Variants in TMEM135 observed in about 807,000 individuals in gnomAD.
TMEM135 encodes the protein transmembrane protein 135, also known as peroxisomal membrane protein 52.
In TMEM135, 30 loss-of-function variants were observed where a neutral mutation model predicts 60.3. That is an observed-to-expected ratio of 0.50 (90% CI 0.37 to 0.68). The LOEUF is 0.68. TMEM135 is among the 30% of genes least tolerant of loss of function. The probability of loss-of-function intolerance (pLI) is 0.00; values close to 1 mark genes in which losing one functional copy is unlikely to be tolerated. For missense variants in TMEM135, 468 were observed against 548.8 expected, an observed-to-expected ratio of 0.85 and a Z score of 1.47; for synonymous variants, 190 against 186.7, an observed-to-expected ratio of 1.02 and a Z score of -0.14.
chr11:87,063,793 C>G (rs1399273736), intron 1 of TMEM135, among the ~76,000 whole-genome samples: 2 of 152,184 alleles, frequency 1.3e-5, no homozygotes, highest in African/African-American at 4.8e-5. Flanking sequence ...TTTCCTGTTT[C>G]TCACAATAGA....
chr11:87,194,559 A>T (rs1299039437), intron 5 of TMEM135, among the ~76,000 whole-genome samples: 1 of 152,056 alleles, frequency 6.6e-6, no homozygotes. Context: ...GTGTATTTGT[A>T]TGTATGTGTA....
intron 1 of TMEM135, among the ~76,000 whole-genome samples, chr11:87,055,269 G>T (rs1459529519): frequency 6.6e-6 from 1 of 152,128 alleles, no homozygotes; most frequent in Non-Finnish European, 1.5e-5. Context: ...CAAATCAAGA[G>T]AAATAAGAAG....
At chr11:87,285,426 G>A (rs1285114722) in intron 6 of TMEM135, among the ~76,000 whole-genome samples, 3 of 152,064 alleles carry the variant, frequency 2.0e-5, no homozygotes, top group South Asian at 2.1e-4. Context: ...TCTGATGTTC[G>A]GATGTGTTCA....
chr11:87,251,833 T>C (rs1192256277), intron 6 of TMEM135, among the ~76,000 whole-genome samples: 1 of 152,182 alleles, frequency 6.6e-6, no homozygotes, highest in Non-Finnish European at 1.5e-5. Context: ...AGAGTAGTGA[T>C]TGTTTTTAAA....
At chr11:87,099,522 C>CTGT (rs1356391661) in intron 4 of TMEM135, among the ~76,000 whole-genome samples, 1 of 151,994 alleles carries the variant, frequency 6.6e-6, no homozygotes, top group Non-Finnish European at 1.5e-5. Context: ...CACTTCTCTC[C>CTGT]TGTTGTCACC....
At chr11:87,230,498 A>G (rs1225673964) in intron 5 of TMEM135, among the ~76,000 whole-genome samples, 1 of 152,132 alleles carries the variant, frequency 6.6e-6, no homozygotes. Context: ...ATGTTACATT[A>G]TATATAAATC....
Position 87,157,023 on chromosome 11 carries a change from G to T in TMEM135, c.397-318G>T, listed in dbSNP as rs1046802414. ...TAACTTCTAGCTCTTATTGTGCCTT[G>T]TAGATGGTTCTCTAGTTGCGTTGCA... On this transcript the variant is annotated intron_variant, in intron 4 of 14. Coordinates refer to ENST00000305494, the MANE Select transcript of TMEM135 (RefSeq NM_022918.4). Among the ~76,000 whole-genome samples the T allele has an allele frequency of 2.0e-5, 3 of 151,226 alleles. No individual in the cohort carries two copies. The South Asian group carries it at 6.3e-4, about 32-fold the overall frequency.
At chr11:87,189,937 GAATA>G (rs1255100046) in intron 5 of TMEM135, among the ~76,000 whole-genome samples, 26 of 151,666 alleles carry the variant, frequency 1.7e-4, no homozygotes, top group African/African-American at 6.0e-4. Flanking sequence ...ATGAATGAAT[GAATA>G]AATAAATAAA....
intron 6 of TMEM135, among the ~76,000 whole-genome samples, chr11:87,293,091 A>G (rs576657881): frequency 1.3e-5 from 2 of 152,310 alleles, no homozygotes; most frequent in African/African-American, 4.8e-5. Flanking sequence ...TTTCCAGTCA[A>G]TAGACCCCTT....
At chr11:87,064,349 CAA>C (rs1235192432) in intron 1 of TMEM135, among the ~76,000 whole-genome samples, 3 of 151,060 alleles carry the variant, frequency 2.0e-5, no homozygotes, top group African/African-American at 7.3e-5. Context: ...TACAGTTCTT[CAA>C]GAGATTCAGT....
chr11:87,234,913 G>C (rs1940962914), intron 5 of TMEM135, among the ~76,000 whole-genome samples: 1 of 151,994 alleles, frequency 6.6e-6, no homozygotes, highest in East Asian at 1.9e-4. Context: ...TGGATATTTA[G>C]AGAAGATGAA....
At chr11:87,232,516 T>C (rs954957101) in intron 5 of TMEM135, among the ~76,000 whole-genome samples, 5 of 152,078 alleles carry the variant, frequency 3.3e-5, no homozygotes, top group African/African-American at 1.2e-4. Flanking sequence ...GGAGTGACAT[T>C]TGTAAACCAC....
chr11:87,111,675 A>G (rs1857756095), intron 4 of TMEM135, among the ~76,000 whole-genome samples: 1 of 150,796 alleles, frequency 6.6e-6, no homozygotes, highest in Non-Finnish European at 1.5e-5. Context: ...AAAAAAAGAA[A>G]AAGAAATTTC....
intron 4 of TMEM135, among the ~76,000 whole-genome samples, chr11:87,143,917 A>G (rs960098828): frequency 6.6e-6 from 1 of 152,184 alleles, no homozygotes; most frequent in South Asian, 2.1e-4. Flanking sequence ...AAGTTCTTAC[A>G]TTATACAGTA....
intron 6 of TMEM135, among the ~76,000 whole-genome samples, chr11:87,252,579 C>T (rs1349640522): frequency 4.6e-5 from 7 of 151,768 alleles, no homozygotes; most frequent in Non-Finnish European, 1.0e-4. Flanking sequence ...TTGAGACCAG[C>T]CTGACCAACA....
intron 6 of TMEM135, among the ~76,000 whole-genome samples, chr11:87,284,000 T>TTGGTTCA (rs1282595357): frequency 1.3e-5 from 2 of 152,216 alleles, no homozygotes; most frequent in African/African-American, 4.8e-5. Flanking sequence ...AAAAAATAGA[T>TTGGTTCA]TGGTTCAGAA....
In TMEM135 at chr11:87,321,771, A is replaced by AT. The variant is rs774583055; in HGVS notation, c.*445dup. 1.3e-4 allele frequency: 61 copies of AT among 454,734 alleles called. No homozygotes were observed. Among genetic ancestry groups the AT allele is most frequent in the South Asian group, 9.0e-4 (58 of 64,480 alleles). The allele number at this position is 454,734 out of a possible 1,614,324, so 28.2% of individuals were successfully genotyped here. ...ACGGGTACATGGATTTGGTCTATAT[A>AT]TTTTTTTAAAGTTTTGAATTGGTAT... On this transcript the variant is annotated 3_prime_UTR_variant, in exon 15 of 15. Coordinates refer to ENST00000305494, the MANE Select transcript of TMEM135 (RefSeq NM_022918.4).
intron 6 of TMEM135, among the ~76,000 whole-genome samples, chr11:87,286,158 A>G (rs1020288388): frequency 1.3e-5 from 2 of 151,668 alleles, no homozygotes; most frequent in Non-Finnish European, 2.9e-5. Flanking sequence ...AGTCCCCACT[A>G]GATTAGCTAG....
chr11:87,116,630 TAC>T (rs869034979), intron 4 of TMEM135, among the ~76,000 whole-genome samples: 55 of 90,610 alleles, frequency 6.1e-4, no homozygotes, highest in African/African-American at 1.2e-3. Context: ...CACACACACA[TAC>T]ACACACACAC....
Sources: allele counts gnomAD v4.1 joint callset (sites outside exome capture counted in the v4.1 genomes callset), GRCh38; gene constraint gnomAD v4.1.1; transcripts MANE v1.5; gene names NCBI Gene and HGNC (gene_info 2026-07-23, HGNC 2026-07-21).